Variants in C22orf15 observed in about 807,000 individuals in gnomAD.
C22orf15 encodes the protein uncharacterized protein C22orf15.
A neutral mutation model predicts 20.3 loss-of-function variants in C22orf15; 21 were observed. That is an observed-to-expected ratio of 1.04 (90% CI 0.74 to 1.49). The LOEUF (loss-of-function observed/expected upper bound fraction) is 1.49. Among genes scored for constraint, C22orf15 ranks in the 40% most tolerant of loss-of-function variants. C22orf15 has a pLI of 0.00. For synonymous variants in C22orf15, 78 were observed against 75.4 expected, an observed-to-expected ratio of 1.03 and a Z score of -0.18; for missense variants, 170 against 191.1, an observed-to-expected ratio of 0.89 and a Z score of 0.65.
At chr22:23,763,464 G>T (rs575501011) in intron 1 of C22orf15, 133 bp downstream of exon 1, 694 of 1,035,768 alleles carry the variant, frequency 6.7e-4, no homozygotes, top group Non-Finnish European at 9.1e-4. Flanking sequence ...GGGGGTCGTC[G>T]GGGAAGCGGC....
chr22:23,764,423 C>T, intron 3 of C22orf15, 26 bp downstream of exon 3: 1 of 1,586,394 alleles, frequency 6.3e-7, no homozygotes, highest in Non-Finnish European at 8.6e-7. Context: ...GTTCTCTCCC[C>T]TGCAGCTATG....
intron 3 of C22orf15, 116 bp downstream of exon 3, chr22:23,764,513 G>C: frequency 6.4e-7 from 1 of 1,565,314 alleles, no homozygotes. Flanking sequence ...TGGGGACCTA[G>C]CCCCAATCCA....
chr22:23,765,063 C>G, intron 5 of C22orf15, 161 bp downstream of exon 5: 2 of 1,466,090 alleles, frequency 1.4e-6, no homozygotes, highest in East Asian at 2.4e-5. Context: ...CACATATACC[C>G]CCAGATGGAA....
intron 1 of C22orf15, 87 bp downstream of exon 1, chr22:23,763,418 G>A: frequency 1.4e-6 from 2 of 1,434,760 alleles, no homozygotes; most frequent in Non-Finnish European, 1.9e-6. Flanking sequence ...GGTGGGTGGG[G>A]AGGCAATGGC....
rs1258724299 is a variant in C22orf15, at chr22:23,764,142, C to T, written c.81C>T (p.His27=). Residue 27 remains histidine (H), a synonymous_variant, in exon 2 of 6, where the codon CAC becomes CAT. Coordinates refer to ENST00000402217, the MANE Select transcript of C22orf15 (RefSeq NM_182520.3). ...GCAGGCTGGTGAACCTCACCGCCCA[C>T]CTGAGGCAGAAAGCAGGGTTGCCCC... ...TSCRLVNLTA[H]LRQKAGLPPD... 1.3e-6 allele frequency: 2 copies of T among 1,551,486 alleles called. No homozygotes were observed. The highest frequency in any genetic ancestry group is 4.9e-5 in the East Asian group (2 of 40,932).
chr22:23,763,272 CA>C lies in C22orf15; in HGVS notation c.-32del, dbSNP rs1569144080. On this transcript the variant is annotated 5_prime_UTR_variant, in exon 1 of 6. Transcript: ENST00000402217. The stretch of plus-strand genomic sequence containing the variant: ...GTTGGGGAATCGAGAGTTGGGGGAT[CA>C]AAGCCCCCCACATCTCCCTCACCCG... 1 of 1,549,830 alleles carries C rather than the reference CA, an allele frequency of 6.5e-7. No individual in the cohort carries two copies. Among genetic ancestry groups the C allele is most frequent in the South Asian group, 1.2e-5 (1 of 83,846 alleles).
chr22:23,765,537 G>A (rs1298399010), intron 5 of C22orf15, 184 bp from the exon 6 acceptor site: 1 of 1,545,516 alleles, frequency 6.5e-7, no homozygotes, highest in African/African-American at 1.4e-5. Context: ...GACAAGAAGG[G>A]TAGAGGTGGC....
At chr22:23,765,398 G>A (rs1188500001) in intron 5 of C22orf15, 1 of 1,550,954 alleles carries the variant, frequency 6.4e-7, no homozygotes, top group Admixed American at 2.0e-5. Context: ...CAACAACCCA[G>A]CAGGACTCCT....
In C22orf15 at chr22:23,765,734, G is replaced by C; in HGVS notation, c.*2G>C. On this transcript the variant is annotated 3_prime_UTR_variant, in exon 6 of 6. Transcript: ENST00000402217. ...CTCCCCACCCAGGGCCCTGATTAAG[G>C]GGATGGATTGCACACTGTAGTGAGA... 1 of 1,550,836 alleles carries C rather than the reference G, an allele frequency of 6.4e-7. No homozygotes were observed. Among genetic ancestry groups the C allele is most frequent in the Non-Finnish European group, 8.7e-7 (1 of 1,146,634 alleles).
intron 5 of C22orf15, chr22:23,765,326 T>A: frequency 6.5e-7 from 1 of 1,546,446 alleles, no homozygotes; most frequent in Non-Finnish European, 8.7e-7. Flanking sequence ...ACTAGCCAAG[T>A]TGGACTCAGA....
rs977684663 is a variant in C22orf15 at position 23,764,091 on chromosome 22, C to T, written c.30C>T (p.Gly10=). 5 of 1,550,498 alleles carry T rather than the reference C, an allele frequency of 3.2e-6. No homozygotes were observed. Among genetic ancestry groups the T allele is most frequent in the Non-Finnish European group, 4.4e-6 (5 of 1,146,976 alleles). ...CACCTTTGCCCCTCTCCACAGCTGG[C>T]TGCTCGGTGCTGGTGAACACCTCTT... MFIKVMFGA[G]CSVLVNTSCR... Residue 10 remains glycine (G), a synonymous_variant, in exon 2 of 6, where the codon GGC becomes GGT. Coordinates refer to ENST00000402217, the MANE Select transcript of C22orf15 (RefSeq NM_182520.3).
At chr22:23,765,073 A>G in intron 5 of C22orf15, 171 bp downstream of exon 5, 1 of 1,453,768 alleles carries the variant, frequency 6.9e-7, no homozygotes, top group Non-Finnish European at 9.0e-7. Context: ...CCCAGATGGA[A>G]CACACTGTAC....
chr22:23,764,558 G>A (rs1926379238), intron 3 of C22orf15, 81 bp from the exon 4 acceptor site: 1 of 1,572,548 alleles, frequency 6.4e-7, no homozygotes, highest in Admixed American at 1.7e-5. Context: ...GCCTGGACTA[G>A]CAAACAGTTC....
At chr22:23,765,052 G>A (rs916474980) in intron 5 of C22orf15, 150 bp downstream of exon 5, 8 of 1,479,258 alleles carry the variant, frequency 5.4e-6, no homozygotes, top group Admixed American at 2.5e-5. Context: ...CCAACTCCAC[G>A]CACATATACC....
intron 5 of C22orf15, chr22:23,765,501 T>G: frequency 6.4e-7 from 1 of 1,550,480 alleles, no homozygotes; most frequent in Non-Finnish European, 8.7e-7. Flanking sequence ...AAGCTGTGGG[T>G]GCAGAGAATG....
rs1345753622 is a variant in C22orf15 at position 23,765,219 on chromosome 22, A to G, written c.435+317A>G. 2.8e-6 allele frequency: 4 copies of G among 1,454,122 alleles called. No individual in the cohort carries two copies. The East Asian group carries it at 1.0e-4, about 36-fold the overall frequency. The allele number at this position is 1,454,122 out of a possible 1,614,324, so 90.1% of individuals were successfully genotyped here. A position where few individuals can be genotyped will look rare whatever the true frequency, so the allele number is the denominator to read the frequency against. ...CACAACTGCTGGATGAACTCAATGA[A>G]GGCGGCAGCATGGTGTGTGATGGCA... On this transcript the variant is annotated intron_variant, in intron 5 of 5. Coordinates refer to ENST00000402217, the MANE Select transcript of C22orf15 (RefSeq NM_182520.3).
Position 23,764,293 on chromosome 22 carries a change from T to C in C22orf15, c.146T>C (p.Leu49Pro), listed in dbSNP as rs1236827502. The C allele has an allele frequency of 1.9e-6, 3 of 1,551,474 alleles. No homozygotes were observed. Among genetic ancestry groups the C allele is most frequent in the Non-Finnish European group, 2.6e-6 (3 of 1,146,954 alleles). The change falls in exon 3 of 6, where the codon CTA becomes CCA. Residue 49 changes from leucine (L) to proline (P), a missense_variant. By Grantham distance (98) the Leu-to-Pro change is moderately conservative. Coordinates refer to ENST00000402217, the MANE Select transcript of C22orf15 (RefSeq NM_182520.3). ...GCTCTCCTGGCTGAGGATGGCAACC[T>C]AGTGAGCCTGGAGGAGGACCTGAAG... ...TIALLAEDGN[L>P]VSLEEDLKEG...
chr22:23,763,417 G>A, intron 1 of C22orf15, 86 bp downstream of exon 1: 1 of 1,445,506 alleles, frequency 6.9e-7, no homozygotes, highest in Non-Finnish European at 9.3e-7. Flanking sequence ...CGGTGGGTGG[G>A]GAGGCAATGG....
Position 23,763,276 on chromosome 22 carries a change from G to GCC in C22orf15, c.-26_-25dup, listed in dbSNP as rs1569144096. 1 of 1,549,792 alleles carries GCC rather than the reference G, an allele frequency of 6.5e-7. No individual in the cohort carries two copies. Among genetic ancestry groups the GCC allele is most frequent in the Middle Eastern group, 1.8e-4 (1 of 5,460 alleles). ...GGGAATCGAGAGTTGGGGGATCAAA[G>GCC]CCCCCCACATCTCCCTCACCCGCTG... On this transcript the variant is annotated 5_prime_UTR_variant, in exon 1 of 6. Transcript: ENST00000402217.
Sources: gnomAD v4.1 joint callset for allele counts on GRCh38, gnomAD v4.1.1 for gene constraint, MANE v1.5 for transcripts, NCBI Gene and HGNC (gene_info 2026-07-23, HGNC 2026-07-21) for gene names.